Variants in HADHA observed in about 807,000 individuals in gnomAD.
HADHA encodes hydroxyacyl-CoA dehydrogenase trifunctional multienzyme complex subunit alpha.
A neutral mutation model predicts 91.3 loss-of-function variants in HADHA; 59 were observed. The observed-to-expected ratio is 0.65, with a 90% CI of 0.52 to 0.80. The LOEUF (loss-of-function observed/expected upper bound fraction) is 0.80. Ranked by LOEUF, HADHA falls within the 30% of genes least tolerant of loss-of-function variation. The pLI, the probability that HADHA is intolerant of heterozygous loss-of-function variation, is 0.00. For synonymous variants in HADHA, 320 were observed against 338.9 expected (o/e 0.94, Z 0.61); for missense variants, 800 against 927.6 (o/e 0.86, Z 1.79).
intron 6 of HADHA, among the ~76,000 whole-genome samples, chr2:26,231,177 A>G (rs10177461): frequency 0.021 from 3,206 of 152,306 alleles, 113 homozygotes; most frequent in African/African-American, 0.072. Flanking sequence ...TTCTTTCAAT[A>G]AATCCTTATG....
At chr2:26,218,055 C>T (rs547311369) in intron 7 of HADHA, among the ~76,000 whole-genome samples, 172 of 152,190 alleles carry the variant, frequency 1.1e-3, no homozygotes, top group Non-Finnish European at 1.8e-3. Flanking sequence ...CATGTAATCC[C>T]AGCACTTTGG....
chr2:26,243,707 A>C (rs904536251), intron 1 of HADHA, among the ~76,000 whole-genome samples: 2 of 152,258 alleles, frequency 1.3e-5, no homozygotes, highest in Non-Finnish European at 2.9e-5. Flanking sequence ...ACATGCAATA[A>C]AACGTTGTCC....
chr2:26,198,549 G>A (rs1326310402), intron 13 of HADHA, among the ~76,000 whole-genome samples: 1 of 151,764 alleles, frequency 6.6e-6, no homozygotes, highest in African/African-American at 2.4e-5. Context: ...TCTGGAACAG[G>A]CAGAATCCTA....
chr2:26,216,613 G>A (rs2147770941), intron 7 of HADHA, among the ~76,000 whole-genome samples: 1 of 152,200 alleles, frequency 6.6e-6, no homozygotes, highest in African/African-American at 2.4e-5. Context: ...GAGCCACCGA[G>A]CCTGGACCAT....
At chr2:26,195,047 T>C (rs904289621) in intron 15 of HADHA, 45 bp downstream of exon 15, 1 of 1,506,170 alleles carries the variant, frequency 6.6e-7, no homozygotes, top group African/African-American at 1.4e-5. Flanking sequence ...GGAGTCTTAT[T>C]AGAACTTTTC....
rs1220581303 is a variant in HADHA, at chr2:26,190,900, G to GTGTT, written c.*346_*349dup. 1.2e-5 allele frequency: 5 copies of GTGTT among 401,050 alleles called. No homozygotes were observed. Among genetic ancestry groups the GTGTT allele is most frequent in the Admixed American group, 1.2e-4 (3 of 26,032 alleles). 24.8% of individuals were successfully genotyped at this position (401,050 alleles called of 1,614,324 possible). A position where few individuals can be genotyped will look rare whatever the true frequency, so the allele number is the denominator to read the frequency against. On this transcript the variant is annotated 3_prime_UTR_variant, in exon 20 of 20. Coordinates refer to ENST00000380649, the MANE Select transcript of HADHA (RefSeq NM_000182.5). ...CACAGAGTTTGGTTTTTATTGTTATGTGTTTGGCTGGGTGCAGAACTGCCC... is the reference window on the plus strand; with the variant it reads ...CACAGAGTTTGGTTTTTATTGTTATGTGTTTGTTTGGCTGGGTGCAGAACTGCCC...
intron 7 of HADHA, among the ~76,000 whole-genome samples, chr2:26,220,670 C>T (rs151180752): frequency 1.0e-3 from 155 of 152,310 alleles, no homozygotes; most frequent in African/African-American, 3.5e-3. Context: ...ACTGATCTGA[C>T]AAAAGCTTTT....
chr2:26,240,436 G>T (rs553438821), intron 1 of HADHA, among the ~76,000 whole-genome samples: 2 of 152,084 alleles, frequency 1.3e-5, no homozygotes, highest in Non-Finnish European at 2.9e-5. Flanking sequence ...AATAGGCCTG[G>T]CATAGAAAAA....
chr2:26,243,620 A>C lies in HADHA; in HGVS notation c.67+910T>G, dbSNP rs145448047. Among the ~76,000 whole-genome samples, 699 of 152,336 alleles carry C rather than the reference A, an allele frequency of 4.6e-3. 3 individuals are homozygous for C. Among genetic ancestry groups the C allele is most frequent in the African/African-American group, 0.016 (680 of 41,578 alleles). On this transcript the variant is annotated intron_variant, in intron 1 of 19. Coordinates refer to ENST00000380649, the MANE Select transcript of HADHA (RefSeq NM_000182.5). The stretch of plus-strand genomic sequence containing the variant: ...AAGCATACTACTTCAGCGGTTCCGG[A>C]AGAGGGAAGAGAGGTAATTCATATT...
intron 7 of HADHA, among the ~76,000 whole-genome samples, chr2:26,222,409 A>C (rs1259211743): frequency 6.6e-6 from 1 of 152,234 alleles, no homozygotes; most frequent in East Asian, 1.9e-4. Context: ...AGGTCAGTGG[A>C]TAGACCTCTC....
Position 26,239,017 on chromosome 2 carries a change from G to A in HADHA, c.110-13C>T. ...ATATGGGTTCTGGCTAAAAAGAAAA[G>A]AAAGATTTATTTGTAAACATATTTA... is the stretch of plus-strand genomic sequence containing the variant. On this transcript the variant is annotated splice_polypyrimidine_tract_variant and intron_variant, in intron 2 of 19. Transcript: ENST00000380649. 1 of 1,597,046 alleles carries A rather than the reference G, an allele frequency of 6.3e-7. No homozygotes were observed. The highest frequency in any genetic ancestry group is 8.6e-7 in the Non-Finnish European group (1 of 1,164,652).
intron 4 of HADHA, among the ~76,000 whole-genome samples, chr2:26,234,831 T>C (rs1027395287): frequency 6.6e-6 from 1 of 152,134 alleles, no homozygotes; most frequent in Non-Finnish European, 1.5e-5. Context: ...TTTTTACTTC[T>C]GTAATAAATC....
chr2:26,242,301 T>G (rs1350757466), intron 1 of HADHA, among the ~76,000 whole-genome samples: 1 of 152,236 alleles, frequency 6.6e-6, no homozygotes, highest in Non-Finnish European at 1.5e-5. Context: ...TAAATAGTAA[T>G]ATAAGGGTGC....
rs2147779706 is a variant in HADHA at position 26,229,903 on chromosome 2, T to C, written c.676+289A>G. Among the ~76,000 whole-genome samples the C allele has an allele frequency of 6.6e-6, 1 of 152,320 alleles. No homozygotes were observed. The highest frequency in any genetic ancestry group is 2.1e-4 in the South Asian group (1 of 4,832). Reference sequence around the variant, plus strand: ...GCACAATGGCATGATCTTGGCTCACTGCAACCTCAGCCCCGCCAGGTTCAA... The same window carrying C: ...GCACAATGGCATGATCTTGGCTCACCGCAACCTCAGCCCCGCCAGGTTCAA... On this transcript the variant is annotated intron_variant, in intron 7 of 19. Coordinates refer to ENST00000380649, the MANE Select transcript of HADHA (RefSeq NM_000182.5). This position sits in a 1 kb window ranked among gnomAD's most constrained non-coding sequence, Gnocchi z 4.3.
At chr2:26,212,420 T>G in intron 10 of HADHA, 150 bp downstream of exon 10, 1 of 689,918 alleles carries the variant, frequency 1.4e-6, no homozygotes, top group Non-Finnish European at 2.7e-6. Context: ...ACTTGCTCAC[T>G]GAGATTAATC....
intron 13 of HADHA, 57 bp downstream of exon 13, chr2:26,201,092 A>G: frequency 1.5e-6 from 2 of 1,337,226 alleles, no homozygotes; most frequent in South Asian, 1.2e-5. Context: ...TAAAAAAAAA[A>G]TCTCTGTGTT....
At chr2:26,218,226 G>A (rs1396243545) in intron 7 of HADHA, among the ~76,000 whole-genome samples, 1 of 152,016 alleles carries the variant, frequency 6.6e-6, no homozygotes, top group African/African-American at 2.4e-5. Flanking sequence ...TTTGAACCCG[G>A]GAGGTGGAAG....
Position 26,239,199 on chromosome 2 carries a change from T to C in HADHA, c.68-56A>G, listed in dbSNP as rs1670834344. ...GCGAAACAATTTCTGTAGTACCTTT[T>C]ATATATAACAAAGCTGTAATTTACA... On this transcript the variant is annotated intron_variant, in intron 1 of 19. Transcript: ENST00000380649. 5 of 1,093,856 alleles carry C rather than the reference T, an allele frequency of 4.6e-6. No individual in the cohort carries two copies. In the Admixed American group the frequency reaches 5.1e-5, roughly 11 times the overall value. The allele number at this position is 1,093,856 out of a possible 1,614,324, so 67.8% of individuals were successfully genotyped here.
At chr2:26,209,658 G>A in intron 11 of HADHA, 122 bp downstream of exon 11, 1 of 736,870 alleles carries the variant, frequency 1.4e-6, no homozygotes, top group Non-Finnish European at 2.5e-6. Flanking sequence ...AATGTGCTCA[G>A]GAAAGAAGTT....
Sources: gnomAD v4.1 joint callset for allele counts (sites outside exome capture counted in the v4.1 genomes callset) on GRCh38, gnomAD v4.1.1 for gene constraint, Gnocchi (gnomAD v3.1) non-coding constraint, MANE v1.5 for transcripts, NCBI Gene and HGNC (gene_info 2026-07-23, HGNC 2026-07-21) for gene names.